The following UBXN1 variants were observed in gnomAD, a reference collection of about 807,000 sequenced individuals.
UBXN1 encodes the protein UBX domain-containing protein 1.
In UBXN1, 21 loss-of-function variants were observed where a neutral mutation model predicts 42.0. The ratio of observed to expected loss-of-function variants is 0.50; its 90% confidence interval spans 0.35 to 0.72. The LOEUF is 0.72. UBXN1 is among the 30% of genes least tolerant of loss of function. The pLI is 0.00. For synonymous variants in UBXN1, 172 were observed against 142.6 expected, an observed-to-expected ratio of 1.21 and a Z score of -1.47; for missense variants, 374 against 382.2, an observed-to-expected ratio of 0.98 and a Z score of 0.18.
Position 62,678,882 on chromosome 11 carries a change from G to T in UBXN1, c.42C>A (p.Gly14=). The T allele has an allele frequency of 3.1e-6, 5 of 1,602,950 alleles. No homozygotes were observed. The highest frequency in any genetic ancestry group is 4.2e-6 in the Non-Finnish European group (5 of 1,176,976). ...TCCCTTACGCGCGTCCCCTGGGGAA[G>T]CCCATCTCGATGAGACTCTCAAGAG... The part of the protein sequence containing the change: ...LTALESLIEM[G]FPRGRAEKAL... The change falls in exon 1 of 9, where the codon GGC becomes GGA. Residue 14 remains glycine (G), a synonymous_variant. Coordinates refer to ENST00000301935, the MANE Select transcript of UBXN1 (RefSeq NM_001286077.2).
intron 7 of UBXN1, chr11:62,677,211 C>T (rs1945034095): frequency 3.2e-6 from 2 of 634,690 alleles, no homozygotes; most frequent in South Asian, 4.1e-5. Context: ...CTAAGAAAGA[C>T]AAGGATAAGA....
rs533365129 is a variant in UBXN1, at chr11:62,677,763, G to A, written c.534+18C>T. The A allele has an allele frequency of 2.3e-5, 37 of 1,614,054 alleles. No individual in the cohort carries two copies. Among genetic ancestry groups the A allele is most frequent in the African/African-American group, 5.3e-5 (4 of 74,932 alleles). Reference sequence around the variant, plus strand: ...ACCTGCCCACTCCATTACCCGTGGCGTCTTCTCAGTCACCTACCTTCTTGG... The same window carrying A: ...ACCTGCCCACTCCATTACCCGTGGCATCTTCTCAGTCACCTACCTTCTTGG... On this transcript the variant is annotated intron_variant, in intron 6 of 8. Transcript: ENST00000301935.
chr11:62,679,068 G>T lies in UBXN1; in HGVS notation c.-145C>A. The T allele has an allele frequency of 4.6e-6, 4 of 875,834 alleles. No homozygotes were observed. In the South Asian group the frequency reaches 5.2e-5, roughly 11 times the overall value. The allele number at this position is 875,834 out of a possible 1,614,324, so 54.3% of individuals were successfully genotyped here. Reference sequence around the variant, plus strand: ...CTCTATAGCAGCCGGGAACACCGACGAGAAGAAAGCCGAGGGGAAGCGGAA... The same window carrying T: ...CTCTATAGCAGCCGGGAACACCGACTAGAAGAAAGCCGAGGGGAAGCGGAA... On this transcript the variant is annotated 5_prime_UTR_variant, in exon 1 of 9. Coordinates refer to ENST00000301935, the MANE Select transcript of UBXN1 (RefSeq NM_001286077.2).
In UBXN1 at chr11:62,678,402, C is replaced by A; in HGVS notation, c.227G>T (p.Gly76Val). 6.2e-7 allele frequency: 1 copy of A among 1,614,144 alleles called. No individual in the cohort carries two copies. Among genetic ancestry groups the A allele is most frequent in the Non-Finnish European group, 8.5e-7 (1 of 1,180,030 alleles). Residue 76 changes from glycine (G) to valine (V), a missense_variant, in exon 4 of 9, where the codon GGT (glycine) becomes GTT (valine). Gly to Val is a moderately radical substitution (Grantham distance 109). Transcript: ENST00000301935. ...SSEQGGLEGS[G>V]SAAGEGKPAL... is the part of the protein sequence containing the mutation. ...GGGTTTGCCTTCTCCGGCAGCAGAACCAGATCCTACAAACAAACAATCGGT... is the reference window on the plus strand; with the variant it reads ...GGGTTTGCCTTCTCCGGCAGCAGAAACAGATCCTACAAACAAACAATCGGT...
At position 62,677,614 on chromosome 11, in the gene UBXN1, A is replaced by G; in HGVS notation, c.555T>C (p.Ser185=). ...RAKKYGGSVG[S]QPPPVAPEPG... is the part of the protein sequence containing the mutation. Reference sequence around the variant, plus strand: ...GCTCTGGTGCCACTGGGGGTGGCTGAGAGCCCACACTGCCACCATACTAAA... The same window carrying G: ...GCTCTGGTGCCACTGGGGGTGGCTGGGAGCCCACACTGCCACCATACTAAA... The change falls in exon 7 of 9, where the codon TCT becomes TCC. Residue 185 remains serine, a synonymous_variant. Coordinates refer to ENST00000301935, the MANE Select transcript of UBXN1 (RefSeq NM_001286077.2). 6.2e-7 allele frequency: 1 copy of G among 1,612,926 alleles called. No individual in the cohort carries two copies. Among genetic ancestry groups the G allele is most frequent in the Non-Finnish European group, 8.5e-7 (1 of 1,179,512 alleles).
chr11:62,678,197 C>G (rs1019924560), intron 4 of UBXN1, 79 bp from the exon 5 acceptor site: 1 of 1,600,376 alleles, frequency 6.2e-7, no homozygotes, highest in African/African-American at 1.3e-5. Flanking sequence ...CAAAATTAGG[C>G]GACATATATC....
chr11:62,677,605 G>C lies in UBXN1; in HGVS notation c.564C>G (p.Pro188=), dbSNP rs970587297. The change falls in exon 7 of 9, where the codon CCC becomes CCG. Residue 188 remains proline (P), a synonymous_variant. Transcript: ENST00000301935. ...KYGGSVGSQP[P]PVAPEPGPVP... ...CAGGACCTGGCTCTGGTGCCACTGGGGGTGGCTGAGAGCCCACACTGCCAC... is the reference window on the plus strand; with the variant it reads ...CAGGACCTGGCTCTGGTGCCACTGGCGGTGGCTGAGAGCCCACACTGCCAC... The C allele has an allele frequency of 1.2e-6, 2 of 1,613,174 alleles. No homozygotes were observed. The highest frequency in any genetic ancestry group is 1.7e-5 in the Admixed American group (1 of 59,780).
rs770050016 is a variant in UBXN1 at position 62,678,847 on chromosome 11, G to A, written c.59+18C>T. ...CGACCCCCCACACCCGCAGGCCGGG[G>A]TTGGGGAACTCCCTTACGCGCGTCC... On this transcript the variant is annotated intron_variant, in intron 1 of 8. Transcript: ENST00000301935. The A allele has an allele frequency of 5.0e-6, 8 of 1,608,098 alleles. No individual in the cohort carries two copies. The highest frequency in any genetic ancestry group is 3.4e-5 in the Admixed American group (2 of 59,462).
Position 62,678,090 on chromosome 11 carries a change from G to A in UBXN1, c.319C>T (p.Arg107Trp). 1.2e-6 allele frequency: 2 copies of A among 1,614,012 alleles called. No homozygotes were observed. Among genetic ancestry groups the A allele is most frequent in the South Asian group, 1.1e-5 (1 of 91,074 alleles). Residue 107 changes from arginine (R) to tryptophan (W), a missense_variant, in exon 5 of 9, where the codon CGG (arginine) becomes TGG (tryptophan). By Grantham distance (101) the Arg-to-Trp change is moderately radical. Transcript: ENST00000301935. ...RMLELVAQKQ[R>W]EREEREEREA... ...CGTTCCTCTCTTTCTTCACGCTCCC[G>A]CTGCTTCTGGGCCACCAGCTCCAAC...
rs763136593 is a variant in UBXN1, at chr11:62,678,183, T to C, written c.291-65A>G. Reference sequence around the variant, plus strand: ...GAGTGGGAAGGTGTAAAGTTTACAATAAACAAAATTAGGCGACATATATCC... The same window carrying C: ...GAGTGGGAAGGTGTAAAGTTTACAACAAACAAAATTAGGCGACATATATCC... On this transcript the variant is annotated intron_variant, in intron 4 of 8. Coordinates refer to ENST00000301935, the MANE Select transcript of UBXN1 (RefSeq NM_001286077.2). The C allele has an allele frequency of 6.2e-6, 10 of 1,603,292 alleles. No homozygotes were observed. In the African/African-American group the frequency reaches 1.2e-4, roughly 19 times the overall value.
chr11:62,677,203 A>G, intron 7 of UBXN1, 198 bp from the exon 8 acceptor site: 1 of 638,810 alleles, frequency 1.6e-6, no homozygotes, highest in Non-Finnish European at 2.7e-6. Flanking sequence ...CTCACAACCT[A>G]AGAAAGACAA....
At chr11:62,678,279 A>G in intron 4 of UBXN1, 60 bp downstream of exon 4, 1 of 1,610,634 alleles carries the variant, frequency 6.2e-7, no homozygotes. Flanking sequence ...CTTTGACCAG[A>G]CGTGTACTGG....
Position 62,678,575 on chromosome 11 carries a change from T to G in UBXN1, c.140A>C (p.Asp47Ala), listed in dbSNP as rs1434466601. ...DWLMEHEDDP[D>A]VDEPLETPLG... Reference sequence around the variant, plus strand: ...GGGAGTCTCTAAAGGCTCGTCCACATCGGGGTCGTCTTCGTGCTCCATCAG... The same window carrying G: ...GGGAGTCTCTAAAGGCTCGTCCACAGCGGGGTCGTCTTCGTGCTCCATCAG... Residue 47 changes from aspartate to alanine, a missense_variant, in exon 3 of 9, where the codon GAT becomes GCT. Physicochemically the swap from Asp to Ala is moderately radical, Grantham distance 126. Transcript: ENST00000301935. 6.2e-7 allele frequency: 1 copy of G among 1,611,456 alleles called. No homozygotes were observed. Among genetic ancestry groups the G allele is most frequent in the African/African-American group, 1.3e-5 (1 of 74,854 alleles).
intron 1 of UBXN1, 37 bp downstream of exon 1, chr11:62,678,828 C>G (rs1427197446): frequency 5.6e-6 from 9 of 1,609,114 alleles, no homozygotes; most frequent in Non-Finnish European, 7.6e-6. Flanking sequence ...TCCGCGACCC[C>G]CCACACCCGC....
rs1187701613 is a variant in UBXN1, at chr11:62,678,235, G to A, written c.290+104C>T. 5.0e-6 allele frequency: 8 copies of A among 1,604,026 alleles called. No homozygotes were observed. In the African/African-American group the frequency reaches 5.4e-5, roughly 11 times the overall value. On this transcript the variant is annotated intron_variant, in intron 4 of 8. Coordinates refer to ENST00000301935, the MANE Select transcript of UBXN1 (RefSeq NM_001286077.2). ...AAAGTAGATTAAAGGAAAAGAAAAT[G>A]CCAAGAAAGAGGAAATGTGGAAAGG...
At chr11:62,677,409 G>C in intron 7 of UBXN1, 109 bp downstream of exon 7, 2 of 1,080,268 alleles carry the variant, frequency 1.9e-6, no homozygotes, top group Non-Finnish European at 2.8e-6. Context: ...CATTTACAAA[G>C]AAGGGAGAGA....
rs866321312 is a variant in UBXN1 at position 62,678,038 on chromosome 11, C to A, written c.371G>T (p.Arg124Leu). ...TGACAACTCTTGCCCTTGTCTCCTG[C>A]GCTGCCGTTCCCGTTCCAATGCCTC... ...EREALERERQ[R>L]RRQGQELSAA... The change falls in exon 5 of 9, where the codon CGC becomes CTC. Residue 124 changes from arginine to leucine, a missense_variant. Transcript: ENST00000301935. The A allele has an allele frequency of 6.2e-7, 1 of 1,614,024 alleles. No individual in the cohort carries two copies. The highest frequency in any genetic ancestry group is 8.5e-7 in the Non-Finnish European group (1 of 1,180,044).
At chr11:62,677,324 G>A (rs1204515673) in intron 7 of UBXN1, 194 bp downstream of exon 7, 4 of 660,704 alleles carry the variant, frequency 6.1e-6, no homozygotes, top group Non-Finnish European at 7.9e-6. Context: ...GTAAGAGAGA[G>A]GTATGGGTTT....
chr11:62,676,511 G>A lies in UBXN1; in HGVS notation c.*79C>T. The A allele has an allele frequency of 6.7e-7, 1 of 1,495,970 alleles. No individual in the cohort carries two copies. The highest frequency in any genetic ancestry group is 9.0e-7 in the Non-Finnish European group (1 of 1,108,554). 92.7% of individuals were successfully genotyped at this position (1,495,970 alleles called of 1,614,324 possible). On this transcript the variant is annotated 3_prime_UTR_variant, in exon 9 of 9. Transcript: ENST00000301935. ...AGGAGTCAGGCATGTACAGAACTCA[G>A]GGTCTATTTATTAGGAAGGAGATGT...
Sources: allele counts gnomAD v4.1 joint callset, GRCh38; gene constraint gnomAD v4.1.1; transcripts MANE v1.5; gene names NCBI Gene and HGNC (gene_info 2026-07-23, HGNC 2026-07-21).